ZNF592: variants seen among roughly 807,000 people sequenced by gnomAD.
ZNF592 encodes the protein zinc finger protein 592.
A neutral mutation model predicts 80.3 loss-of-function variants in ZNF592; 11 were observed. The ratio of observed to expected loss-of-function variants is 0.14; its 90% CI spans 0.09 to 0.23. The LOEUF (loss-of-function observed/expected upper bound fraction) is 0.23. Ranked by LOEUF, ZNF592 falls within the 10% of genes least tolerant of loss-of-function variation. The probability of loss-of-function intolerance (pLI) is 1.00; values close to 1 mark genes in which losing one functional copy is unlikely to be tolerated. For synonymous variants in ZNF592, 646 were observed against 640.3 expected (o/e 1.01, Z -0.13); for missense variants, 1,420 against 1,633.9 (o/e 0.87, Z 2.26).
chr15:84,798,351 C>A lies in ZNF592; in HGVS notation c.2613C>A (p.Asn871Lys). 1.2e-6 allele frequency: 2 copies of A among 1,614,212 alleles called. No homozygotes were observed. Among genetic ancestry groups the A allele is most frequent in the Non-Finnish European group, 1.7e-6 (2 of 1,180,044 alleles). The change falls in exon 7 of 11, where the codon AAC (asparagine) becomes AAA (lysine). Residue 871 changes from asparagine (N) to lysine (K), a missense_variant. This residue lies in a region of ZNF592 where 331 missense variants were observed against 347.0 expected (regional missense o/e 0.95). Coordinates refer to ENST00000560079, the MANE Select transcript of ZNF592 (RefSeq NM_014630.3). The surrounding 1 kb of genome is among the most constrained non-coding windows in gnomAD (Gnocchi z 4.5). ...AGTGCTCCTGTGAAATGGTCTTCAA[C>A]AAGAAGAGGCACATTCAGCAGCATT... ...IYKCSCEMVF[N>K]KKRHIQQHFY...
At chr15:84,772,157 C>A (rs1365363920) in intron 2 of ZNF592, among the ~76,000 whole-genome samples, 1 of 152,172 alleles carries the variant, frequency 6.6e-6, no homozygotes, top group East Asian at 1.9e-4. Context: ...GGTCCAGGAA[C>A]ATGAGCCTCT....
chr15:84,806,432 A>G lies in ZNF592; in HGVS notation c.*4039A>G, dbSNP rs1199533629. 6.6e-6 allele frequency: 1 copy of G among 152,192 alleles called. No homozygotes were observed. Among genetic ancestry groups the G allele is most frequent in the Non-Finnish European group, 1.5e-5 (1 of 68,024 alleles). 9.4% of individuals were successfully genotyped at this position (152,192 alleles called of 1,614,324 possible). A position where few individuals can be genotyped will look rare whatever the true frequency, so the allele number is the denominator to read the frequency against. On this transcript the variant is annotated 3_prime_UTR_variant, in exon 11 of 11. Coordinates refer to ENST00000560079, the MANE Select transcript of ZNF592 (RefSeq NM_014630.3). ...AAATTAAAAAGCACACATATTTATA[A>G]TCTCTTCCTCTTACCATTGTAGTTG...
Position 84,782,776 on chromosome 15 carries a change from G to C in ZNF592, c.101G>C (p.Ser34Thr). 6.2e-7 allele frequency: 1 copy of C among 1,614,142 alleles called. No individual in the cohort carries two copies. The highest frequency in any genetic ancestry group is 8.5e-7 in the Non-Finnish European group (1 of 1,180,024). ...GCCAAGGAGGCCATCCAGACACCCA[G>C]TGAGGAGAATGAGAGTCCCCTCAAA... ...LDAKEAIQTP[S>T]EENESPLKPP... Residue 34 changes from serine to threonine, a missense_variant, in exon 4 of 11, where the codon AGT becomes ACT. By Grantham distance (58) the Ser-to-Thr change is moderately conservative. Around this residue, in one of 7 missense-constraint regions of ZNF592, gnomAD observed 373 missense variants for 355.5 expected, o/e 1.05. Transcript: ENST00000560079.
At position 84,802,320 on chromosome 15, in the gene ZNF592, G is replaced by T; in HGVS notation, c.3731G>T (p.Gly1244Val). 1 of 1,613,982 alleles carries T rather than the reference G, an allele frequency of 6.2e-7. No homozygotes were observed. Among genetic ancestry groups the T allele is most frequent in the Non-Finnish European group, 8.5e-7 (1 of 1,179,990 alleles). ...CTGGGCCCGGCCCCTGAGGACGATG[G>T]TGGCCACAATGATCACAGTCAACCA... ...RLLGPAPEDD[G>V]GHNDHSQPQA... Residue 1244 changes from glycine (G) to valine (V), a missense_variant, in exon 11 of 11, where the codon GGT becomes GTT. Around this residue, in one of 7 missense-constraint regions of ZNF592, gnomAD observed 145 missense variants for 211.9 expected, o/e 0.68. Coordinates refer to ENST00000560079, the MANE Select transcript of ZNF592 (RefSeq NM_014630.3).
intron 1 of ZNF592, among the ~76,000 whole-genome samples, chr15:84,751,231 A>C (rs758830402): frequency 4.6e-5 from 7 of 152,218 alleles, no homozygotes; most frequent in Non-Finnish European, 8.8e-5. Context: ...TATTGTATTT[A>C]ACTTAGTCCT....
At chr15:84,801,509 A>C (rs1431664056) in intron 10 of ZNF592, among the ~76,000 whole-genome samples, 1 of 152,190 alleles carries the variant, frequency 6.6e-6, no homozygotes, top group African/African-American at 2.4e-5. Flanking sequence ...CAAAAAGAAA[A>C]AGAAAAGTAT....
intron 1 of ZNF592, among the ~76,000 whole-genome samples, chr15:84,760,178 A>G (rs768020014): frequency 6.6e-6 from 1 of 152,026 alleles, no homozygotes; most frequent in Non-Finnish European, 1.5e-5. Context: ...GTCTGAGCAC[A>G]TCATTCTTCT....
At chr15:84,766,926 G>C (rs1328206048) in intron 2 of ZNF592, among the ~76,000 whole-genome samples, 1 of 152,060 alleles carries the variant, frequency 6.6e-6, no homozygotes, top group African/African-American at 2.4e-5. Flanking sequence ...GTTGTCTGTG[G>C]TAGATAAGAC....
intron 10 of ZNF592, among the ~76,000 whole-genome samples, chr15:84,801,171 A>G (rs1184992059): frequency 6.6e-6 from 1 of 152,172 alleles, no homozygotes; most frequent in Non-Finnish European, 1.5e-5. Context: ...AAATAAGTAA[A>G]TAAATTAGCT....
At chr15:84,762,270 G>A (rs757946502) in intron 1 of ZNF592, among the ~76,000 whole-genome samples, 1 of 152,196 alleles carries the variant, frequency 6.6e-6, no homozygotes, top group African/African-American at 2.4e-5. Context: ...GGTGAAAAGT[G>A]TTATGGAGAA....
intron 2 of ZNF592, among the ~76,000 whole-genome samples, chr15:84,777,937 A>G (rs1385780254): frequency 6.6e-6 from 1 of 152,110 alleles, no homozygotes; most frequent in African/African-American, 2.4e-5. Flanking sequence ...TGACCTGGTG[A>G]TCCGCCCGCC....
chr15:84,752,710 G>C (rs1224555739), intron 1 of ZNF592, among the ~76,000 whole-genome samples: 1 of 152,162 alleles, frequency 6.6e-6, no homozygotes, highest in Non-Finnish European at 1.5e-5. Context: ...TGCAGTTAGA[G>C]AGTGGAGATA....
chr15:84,784,843 A>G lies in ZNF592; in HGVS notation c.2168A>G (p.Tyr723Cys). The G allele has an allele frequency of 6.2e-7, 1 of 1,614,136 alleles. No individual in the cohort carries two copies. Among genetic ancestry groups the G allele is most frequent in the Non-Finnish European group, 8.5e-7 (1 of 1,180,030 alleles). Residue 723 changes from tyrosine to cysteine, a missense_variant, in exon 4 of 11, where the codon TAC becomes TGC. Physicochemically the swap from Tyr to Cys is radical, Grantham distance 194. This residue lies in a region of ZNF592 where 524 missense variants were observed against 628.3 expected (regional missense o/e 0.83). Transcript: ENST00000560079. This position sits in a 1 kb window ranked among gnomAD's most constrained non-coding sequence, Gnocchi z 5.8. ...CLECHKQMRD[Y>C]MVLAAHFQRT... Reference sequence around the variant, plus strand: ...GAATGTCACAAGCAGATGCGGGACTACATGGTCCTGGCTGCACATTTCCAG... The same window carrying G: ...GAATGTCACAAGCAGATGCGGGACTGCATGGTCCTGGCTGCACATTTCCAG...
chr15:84,778,125 T>G (rs1962316119), intron 2 of ZNF592, 58 bp from the exon 3 acceptor site: 1 of 152,940 alleles, frequency 6.5e-6, no homozygotes, highest in Non-Finnish European at 1.5e-5. Context: ...TTCTAATGGG[T>G]TGCTTATATT....
In ZNF592 at chr15:84,783,608, C is replaced by T. The variant is rs551369452; in HGVS notation, c.933C>T (p.Leu311=). 68 of 1,614,214 alleles carry T rather than the reference C, an allele frequency of 4.2e-5. 1 individual carries two copies. The South Asian group carries it at 7.2e-4, about 17-fold the overall frequency. The change falls in exon 4 of 11, where the codon CTC becomes CTT. Residue 311 remains leucine (L), a synonymous_variant. Transcript: ENST00000560079. This position sits in a 1 kb window ranked among gnomAD's most constrained non-coding sequence, Gnocchi z 5.0. ...KEDQPGHTKD[L]SGPTKESSKG... The stretch of plus-strand genomic sequence containing the variant: ...ATCAGCCTGGCCACACAAAGGATCT[C>T]TCAGGGCCCACTAAAGAGAGTTCTA...
At chr15:84,765,204 C>T (rs1310901210) in intron 2 of ZNF592, among the ~76,000 whole-genome samples, 5 of 152,136 alleles carry the variant, frequency 3.3e-5, no homozygotes, top group African/African-American at 9.7e-5. Flanking sequence ...GAATTTCCTT[C>T]CTTTTTAAAG....
At chr15:84,797,544 C>T (rs1016797335) in intron 5 of ZNF592, among the ~76,000 whole-genome samples, 3 of 152,210 alleles carry the variant, frequency 2.0e-5, no homozygotes, top group East Asian at 1.9e-4. Flanking sequence ...CTTCCCTCTC[C>T]ACTTCCACCA....
chr15:84,787,399 C>A (rs1962621943), intron 4 of ZNF592, among the ~76,000 whole-genome samples: 1 of 152,180 alleles, frequency 6.6e-6, no homozygotes, highest in South Asian at 2.1e-4. Flanking sequence ...AAAGGGTGAG[C>A]CCTGAGCTAT....
rs1262941775 is a variant in ZNF592, at chr15:84,784,853, G to A, written c.2178G>A (p.Leu726=). 6.2e-7 allele frequency: 1 copy of A among 1,614,098 alleles called. No homozygotes were observed. The highest frequency in any genetic ancestry group is 8.5e-7 in the Non-Finnish European group (1 of 1,180,038). The part of the protein sequence containing the change: ...CHKQMRDYMV[L]AAHFQRTTEE... ...AGCAGATGCGGGACTACATGGTCCT[G>A]GCTGCACATTTCCAGAGGACAACAG... The change falls in exon 4 of 11, where the codon CTG becomes CTA. Residue 726 remains leucine, a synonymous_variant. Transcript: ENST00000560079. This position sits in a 1 kb window ranked among gnomAD's most constrained non-coding sequence, Gnocchi z 5.8.
Sources: gnomAD v4.1 joint callset for allele counts (sites outside exome capture counted in the v4.1 genomes callset) on GRCh38, gnomAD v4.1.1 for gene constraint, gnomAD v4.1.1 regional missense constraint, Gnocchi (gnomAD v3.1) non-coding constraint, MANE v1.5 for transcripts, NCBI Gene and HGNC (gene_info 2026-07-23, HGNC 2026-07-21) for gene names.